The following WDR41 variants were observed in gnomAD, a reference collection of about 807,000 sequenced individuals.
WDR41 encodes WD repeat domain 41.
Under a neutral mutation model 69.3 loss-of-function variants are expected in WDR41, and 63 were observed. The observed-to-expected ratio is 0.91, with a 90% CI of 0.74 to 1.12. WDR41 has a LOEUF of 1.12. Among genes scored for constraint, WDR41 ranks in the 50% most tolerant of loss-of-function variants. WDR41 has a pLI of 0.00. For missense variants in WDR41, 543 were observed against 534.5 expected, an observed-to-expected ratio of 1.02 and a Z score of -0.16; for synonymous variants, 185 against 192.1, an observed-to-expected ratio of 0.96 and a Z score of 0.31.
intron 2 of WDR41, among the ~76,000 whole-genome samples, chr5:77,485,680 T>A (rs548709399): frequency 6.6e-6 from 1 of 152,360 alleles, no homozygotes; most frequent in South Asian, 2.1e-4. Context: ...GGAAGACTTT[T>A]GCTGAGGCTT....
At chr5:77,519,619 TA>T (rs887973339) in intron 1 of WDR41, among the ~76,000 whole-genome samples, 3 of 151,634 alleles carry the variant, frequency 2.0e-5, no homozygotes, top group Non-Finnish European at 4.4e-5. Context: ...CTTTTTATTC[TA>T]AAAAAAACCA....
chr5:77,501,448 G>T (rs1023689773), intron 1 of WDR41, among the ~76,000 whole-genome samples: 1 of 152,258 alleles, frequency 6.6e-6, no homozygotes, highest in Non-Finnish European at 1.5e-5. Flanking sequence ...TGCGGGCAGG[G>T]CATAGCTGAA....
intron 1 of WDR41, among the ~76,000 whole-genome samples, chr5:77,548,518 T>C (rs199962724): frequency 8.7e-6 from 1 of 115,536 alleles, no homozygotes; most frequent in Non-Finnish European, 1.8e-5. Flanking sequence ...CCAACAAACA[T>C]GTGAAAAAAT....
intron 1 of WDR41, among the ~76,000 whole-genome samples, chr5:77,602,940 C>CT (rs576335451): frequency 0.055 from 7,556 of 137,108 alleles, 496 homozygotes; most frequent in African/African-American, 0.16. Flanking sequence ...ATTTTTTTGT[C>CT]TTTTTTTTTT....
Position 77,610,134 on chromosome 5 carries a change from C to A in WDR41, c.42+10345G>T, listed in dbSNP as rs563806531. Among the ~76,000 whole-genome samples the A allele has an allele frequency of 2.6e-5, 4 of 152,270 alleles. No individual in the cohort carries two copies. The South Asian group carries it at 8.3e-4, about 32-fold the overall frequency. On this transcript the variant is annotated intron_variant, in intron 1 of 5. Transcript: ENST00000509971. ...AAAGAATAAAAAGAAATGAACAAAG[C>A]CTCCAAGAAATATGGGACTATGTGA...
intron 1 of WDR41, among the ~76,000 whole-genome samples, chr5:77,595,883 C>T (rs1490346080): frequency 1.3e-5 from 2 of 152,190 alleles, no homozygotes; most frequent in East Asian, 3.9e-4. Context: ...AGAAAATAGA[C>T]AATTTTGTGG....
chr5:77,555,180 A>G (rs1356476984), intron 1 of WDR41, among the ~76,000 whole-genome samples: 1 of 152,168 alleles, frequency 6.6e-6, no homozygotes, highest in Non-Finnish European at 1.5e-5. Flanking sequence ...GAATTGTATT[A>G]ATTTTCTGGT....
intron 1 of WDR41, among the ~76,000 whole-genome samples, chr5:77,497,796 T>C (rs1420779201): frequency 2.6e-5 from 4 of 152,140 alleles, no homozygotes; most frequent in African/African-American, 9.7e-5. Flanking sequence ...TTTGGGCCAA[T>C]GTTGACATCA....
At chr5:77,513,281 G>C (rs1295677899) in intron 1 of WDR41, among the ~76,000 whole-genome samples, 3 of 152,070 alleles carry the variant, frequency 2.0e-5, no homozygotes, top group Admixed American at 2.0e-4. Context: ...CTGTAGGTCT[G>C]TGCACCTGCC....
intron 1 of WDR41, among the ~76,000 whole-genome samples, chr5:77,541,738 CT>C (rs111480769): frequency 0.16 from 24,194 of 152,050 alleles, 3,081 homozygotes; most frequent in African/African-American, 0.34. Flanking sequence ...GGTGATCCCC[CT>C]GCCTTGGCCT....
chr5:77,578,180 A>G (rs1031727205), intron 1 of WDR41, among the ~76,000 whole-genome samples: 31 of 152,222 alleles, frequency 2.0e-4, no homozygotes, highest in African/African-American at 7.2e-4. Context: ...TCGAACCATC[A>G]CAATTTGGAT....
At chr5:77,460,823 G>A (rs939370996) in intron 4 of WDR41, among the ~76,000 whole-genome samples, 13 of 152,094 alleles carry the variant, frequency 8.5e-5, no homozygotes, top group African/African-American at 2.4e-4. Flanking sequence ...GTGGCATCAC[G>A]TCAGTGCTTA....
intron 2 of WDR41, among the ~76,000 whole-genome samples, chr5:77,480,727 TGAC>T (rs1260409896): frequency 1.3e-5 from 2 of 150,196 alleles, no homozygotes; most frequent in East Asian, 3.9e-4. Context: ...TAATGCTAGA[TGAC>T]GAGTTAGTGG....
chr5:77,451,775 A>G (rs1314122326), intron 6 of WDR41: 2 of 159,840 alleles, frequency 1.3e-5, no homozygotes, highest in African/African-American at 2.4e-5. Flanking sequence ...CATTGAATGA[A>G]CTAGCCAACA....
chr5:77,560,095 T>C (rs1343186552), intron 1 of WDR41, among the ~76,000 whole-genome samples: 1 of 152,202 alleles, frequency 6.6e-6, no homozygotes, highest in African/African-American at 2.4e-5. Context: ...AAAGGCTTGC[T>C]CAAATTGCTT....
intron 1 of WDR41, among the ~76,000 whole-genome samples, chr5:77,512,969 C>T (rs1802232931): frequency 6.6e-6 from 1 of 152,008 alleles, no homozygotes; most frequent in African/African-American, 2.4e-5. Flanking sequence ...TGGAAATTTC[C>T]TGATTAAGAC....
chr5:77,460,400 T>C (rs1035198300), intron 4 of WDR41, among the ~76,000 whole-genome samples: 18 of 152,246 alleles, frequency 1.2e-4, no homozygotes, highest in African/African-American at 4.3e-4. Context: ...TCTGGCCTTA[T>C]ATTTACCAGA....
chr5:77,470,034 T>G (rs1459817325), intron 2 of WDR41, among the ~76,000 whole-genome samples: 1 of 149,696 alleles, frequency 6.7e-6, no homozygotes, highest in Non-Finnish European at 1.5e-5. Context: ...GAGAGAAAGG[T>G]CGGGTTACCC....
chr5:77,562,198 G>C (rs992758232), intron 1 of WDR41, among the ~76,000 whole-genome samples: 1 of 152,164 alleles, frequency 6.6e-6, no homozygotes, highest in Non-Finnish European at 1.5e-5. Flanking sequence ...GCTGCAAGGT[G>C]CTTTCCATGC....
Sources: gnomAD v4.1 joint callset for allele counts (sites outside exome capture counted in the v4.1 genomes callset) on GRCh38, gnomAD v4.1.1 for gene constraint, MANE v1.5 for transcripts, NCBI Gene and HGNC (gene_info 2026-07-23, HGNC 2026-07-21) for gene names.